The following SLC35F1 variants were observed in gnomAD, a reference collection of about 807,000 sequenced individuals.
The protein encoded by SLC35F1 is solute carrier family 35 member F1, also known as chromosome 6 open reading frame 169.
Under a neutral mutation model 48.7 loss-of-function variants are expected in SLC35F1, and 14 were observed. That is an observed-to-expected ratio of 0.29 (90% CI 0.19 to 0.45). SLC35F1 has a LOEUF of 0.45. Among genes scored for constraint, SLC35F1 ranks in the 20% least tolerant of loss-of-function variants. The pLI is 1.00. For missense variants in SLC35F1, 404 were observed against 500.0 expected (o/e 0.81, Z 1.83); for synonymous variants, 190 against 202.2 (o/e 0.94, Z 0.51).
At chr6:117,985,618 C>CTATG (rs1554220331) in intron 1 of SLC35F1, among the ~76,000 whole-genome samples, 2 of 152,172 alleles carry the variant, frequency 1.3e-5, no homozygotes, top group Non-Finnish European at 2.9e-5. Context: ...GCATAACTAT[C>CTATG]TATACACACT....
At chr6:118,258,759 G>C (rs1775676571) in intron 3 of SLC35F1, among the ~76,000 whole-genome samples, 1 of 151,866 alleles carries the variant, frequency 6.6e-6, no homozygotes, top group Non-Finnish European at 1.5e-5. Context: ...ATACTACAGA[G>C]AAAATATTGC....
chr6:118,212,390 A>G lies in SLC35F1; in HGVS notation c.350-23119A>G, dbSNP rs548981282. Among the ~76,000 whole-genome samples, 13 of 152,230 alleles carry G rather than the reference A, an allele frequency of 8.5e-5. No homozygotes were observed. The South Asian group carries it at 2.7e-3, about 32-fold the overall frequency. ...GTTGATTTTAATTATAAAAATCTTGATTCAGAAATAATCATATAGCTGGGC... is the reference window on the plus strand; with the variant it reads ...GTTGATTTTAATTATAAAAATCTTGGTTCAGAAATAATCATATAGCTGGGC... On this transcript the variant is annotated intron_variant, in intron 2 of 7. Transcript: ENST00000360388.
At chr6:118,250,942 G>A (rs1344307633) in intron 3 of SLC35F1, among the ~76,000 whole-genome samples, 1 of 151,854 alleles carries the variant, frequency 6.6e-6, no homozygotes, top group Admixed American at 6.6e-5. Flanking sequence ...TCCAGCATGG[G>A]TGACAGAGCC....
At chr6:118,309,412 A>G (rs1017245925) in intron 7 of SLC35F1, among the ~76,000 whole-genome samples, 2 of 152,074 alleles carry the variant, frequency 1.3e-5, no homozygotes, top group Non-Finnish European at 2.9e-5. Context: ...CTTCCCAGGG[A>G]AAAAGGAAAA....
chr6:118,177,771 T>A (rs55702046), intron 2 of SLC35F1, among the ~76,000 whole-genome samples: 1,684 of 152,214 alleles, frequency 0.011, 19 homozygotes, highest in Middle Eastern at 0.024. Flanking sequence ...TGTTTTTTTT[T>A]AACTTACTAC....
At chr6:118,064,050 C>A (rs1772579669) in intron 1 of SLC35F1, among the ~76,000 whole-genome samples, 1 of 152,128 alleles carries the variant, frequency 6.6e-6, no homozygotes, top group Non-Finnish European at 1.5e-5. Flanking sequence ...TTAACAGTTT[C>A]ACATGGCTGG....
intron 1 of SLC35F1, among the ~76,000 whole-genome samples, chr6:118,140,862 G>C (rs557980487): frequency 1.4e-5 from 2 of 148,076 alleles, no homozygotes; most frequent in Non-Finnish European, 3.0e-5. Context: ...GTTAAAAGTA[G>C]AAATAAGCTT....
intron 6 of SLC35F1, 138 bp downstream of exon 6, chr6:118,277,684 A>T: frequency 1.3e-6 from 1 of 741,394 alleles, no homozygotes; most frequent in South Asian, 1.6e-5. Flanking sequence ...TCCCTTTGTC[A>T]TTTCAGGAAA....
chr6:118,097,254 C>T (rs1174617169), intron 1 of SLC35F1, among the ~76,000 whole-genome samples: 4 of 152,194 alleles, frequency 2.6e-5, no homozygotes, highest in African/African-American at 9.6e-5. Context: ...TTTCTACATT[C>T]CTTTTGTGCT....
chr6:118,060,443 A>G (rs1283974383), intron 1 of SLC35F1, among the ~76,000 whole-genome samples: 1 of 151,896 alleles, frequency 6.6e-6, no homozygotes, highest in Non-Finnish European at 1.5e-5. Context: ...CAATAATATT[A>G]TATTTTTTCA....
At chr6:118,312,281 C>G (rs985570730) in intron 7 of SLC35F1, among the ~76,000 whole-genome samples, 5 of 152,136 alleles carry the variant, frequency 3.3e-5, no homozygotes, top group Admixed American at 6.5e-5. Context: ...ATGTTAGGAA[C>G]AGACCTATTT....
chr6:118,191,347 G>C (rs1000121127), intron 2 of SLC35F1, among the ~76,000 whole-genome samples: 1 of 152,096 alleles, frequency 6.6e-6, no homozygotes, highest in South Asian at 2.1e-4. Context: ...GCACACAACA[G>C]ACCCCCTATT....
intron 4 of SLC35F1, among the ~76,000 whole-genome samples, chr6:118,269,107 T>C (rs899678155): frequency 6.6e-5 from 10 of 152,226 alleles, no homozygotes; most frequent in Admixed American, 5.9e-4. Context: ...TTTGAATTGA[T>C]TTCACTAGAT....
At chr6:118,216,456 C>T (rs1467299305) in intron 2 of SLC35F1, among the ~76,000 whole-genome samples, 1 of 67,514 alleles carries the variant, frequency 1.5e-5, no homozygotes, top group Admixed American at 2.0e-4. Flanking sequence ...CTTCCCCCTA[C>T]CCCCACTTCA....
intron 1 of SLC35F1, among the ~76,000 whole-genome samples, chr6:117,957,370 G>T (rs568779145): frequency 6.6e-6 from 1 of 152,246 alleles, no homozygotes; most frequent in South Asian, 2.1e-4. Flanking sequence ...AAAGAAAAAA[G>T]AGCATCAAAG....
chr6:118,163,130 T>G (rs1183192002), intron 2 of SLC35F1, among the ~76,000 whole-genome samples: 1 of 151,758 alleles, frequency 6.6e-6, no homozygotes, highest in Non-Finnish European at 1.5e-5. Context: ...ACCCAGCTAA[T>G]TTTTGTATTT....
At chr6:118,240,957 C>T (rs752098417) in intron 3 of SLC35F1, among the ~76,000 whole-genome samples, 3 of 152,120 alleles carry the variant, frequency 2.0e-5, no homozygotes, top group Non-Finnish European at 4.4e-5. Context: ...GCTAGTACCA[C>T]CAGAAGCCAC....
chr6:118,113,323 G>A (rs1385980383), intron 1 of SLC35F1, among the ~76,000 whole-genome samples: 1 of 152,150 alleles, frequency 6.6e-6, no homozygotes, highest in Non-Finnish European at 1.5e-5. Flanking sequence ...TTGACCTTAA[G>A]TGATCCTCTT....
At chr6:117,986,084 CT>C (rs2114853900) in intron 1 of SLC35F1, among the ~76,000 whole-genome samples, 1 of 152,318 alleles carries the variant, frequency 6.6e-6, no homozygotes, top group East Asian at 1.9e-4. Flanking sequence ...TTTGTAGTGT[CT>C]GCTTTAAGCT....
Sources: allele counts gnomAD v4.1 joint callset (sites outside exome capture counted in the v4.1 genomes callset), GRCh38; gene constraint gnomAD v4.1.1; transcripts MANE v1.5; gene names NCBI Gene and HGNC (gene_info 2026-07-23, HGNC 2026-07-21).